DTWD1: variants seen among roughly 807,000 people sequenced by gnomAD.
DTWD1 encodes tRNA-uridine aminocarboxypropyltransferase 1.
In DTWD1, 27 loss-of-function variants were observed where a neutral mutation model predicts 30.2. That is an observed-to-expected ratio of 0.90 (90% CI 0.66 to 1.23). The LOEUF (loss-of-function observed/expected upper bound fraction) is 1.23, where lower values mean the gene tolerates loss of function less well. Among genes scored for constraint, DTWD1 ranks in the 50% most tolerant of loss-of-function variants. The pLI is 0.00. For missense variants in DTWD1, 342 were observed against 348.8 expected, an observed-to-expected ratio of 0.98 and a Z score of 0.15; for synonymous variants, 99 against 113.1, an observed-to-expected ratio of 0.88 and a Z score of 0.79.
chr15:49,633,049 C>CTATATCTATATATA (rs774517463), intron 3 of DTWD1, among the ~76,000 whole-genome samples: 35 of 117,338 alleles, frequency 3.0e-4, no homozygotes, highest in South Asian at 1.1e-3. Flanking sequence ...ATATCTATAT[C>CTATATCTATATATA]TATATATATA....
intron 1 of DTWD1, among the ~76,000 whole-genome samples, chr15:49,624,666 TCA>T (rs1374815124): frequency 6.6e-6 from 1 of 152,146 alleles, no homozygotes; most frequent in Non-Finnish European, 1.5e-5. Context: ...ACAGACACAC[TCA>T]CACATATGTA....
rs1567741212 is a variant in DTWD1 at position 49,634,808 on chromosome 15, G to GC, written c.667+14_667+15insC. The GC allele has an allele frequency of 6.5e-7, 1 of 1,546,316 alleles. No individual in the cohort carries two copies. Among genetic ancestry groups the GC allele is most frequent in the Admixed American group, 2.2e-5 (1 of 44,854 alleles). ...AGCGACTTCAAGGTAAAAAAAAAAT[G>GC]TTTTTTTGGACTGCTCCTCCCTCAG... is the stretch of plus-strand genomic sequence containing the variant. On this transcript the variant is annotated intron_variant, in intron 4 of 4. Transcript: ENST00000403028.
At chr15:49,642,858 G>A (rs2079081594) in intron 4 of DTWD1, among the ~76,000 whole-genome samples, 1 of 152,118 alleles carries the variant, frequency 6.6e-6, no homozygotes, top group South Asian at 2.1e-4. Context: ...TCCAGAGTTT[G>A]AGGTAACTGT....
Position 49,638,299 on chromosome 15 carries a change from A to C in DTWD1, c.667+3505A>C, listed in dbSNP as rs1338046783. ...GGCTTGCCTAAAATCAGATTTGTAC[A>C]AAAGATTTTTGTTATTCCTTCCCAA... On this transcript the variant is annotated intron_variant, in intron 4 of 4. Coordinates refer to ENST00000403028, the MANE Select transcript of DTWD1 (RefSeq NM_001144955.2). 2.0e-5 allele frequency among the ~76,000 whole-genome samples: 3 copies of C among 152,236 alleles called. No individual in the cohort carries two copies. In the South Asian group the frequency reaches 6.2e-4, roughly 32 times the overall value.
rs2079168969 is a variant in DTWD1, at chr15:49,654,573, C to G, written c.*10995C>G. 6.6e-6 allele frequency: 1 copy of G among 151,952 alleles called. No homozygotes were observed. Among genetic ancestry groups the G allele is most frequent in the South Asian group, 2.1e-4 (1 of 4,828 alleles). The allele number at this position is 151,952 out of a possible 1,614,324, so 9.4% of individuals were successfully genotyped here. ...TAGAGACACCACATGGAAAGGCCAC[C>G]TAGGGAAGAACTGAGATGCCCCAGT... On this transcript the variant is annotated 3_prime_UTR_variant, in exon 5 of 5. Coordinates refer to ENST00000403028, the MANE Select transcript of DTWD1 (RefSeq NM_001144955.2).
rs1671771318 is a variant in DTWD1 at position 49,650,451 on chromosome 15, G to A, written c.*6873G>A. Reference sequence around the variant, plus strand: ...CTGGACAAGGGTTGTGATCATGGGCGAGTGGTACAGAATGACAAGATCCTG... The same window carrying A: ...CTGGACAAGGGTTGTGATCATGGGCAAGTGGTACAGAATGACAAGATCCTG... On this transcript the variant is annotated 3_prime_UTR_variant, in exon 5 of 5. Transcript: ENST00000403028. 1.3e-5 allele frequency: 2 copies of A among 152,258 alleles called. No homozygotes were observed. The highest frequency in any genetic ancestry group is 2.9e-5 in the Non-Finnish European group (2 of 68,010). 9.4% of individuals were successfully genotyped at this position (152,258 alleles called of 1,614,324 possible).
chr15:49,634,933 A>T, intron 4 of DTWD1, 139 bp downstream of exon 4: 2 of 736,830 alleles, frequency 2.7e-6, no homozygotes, highest in African/African-American at 1.9e-5. Flanking sequence ...CTCTCTTTTT[A>T]TTATATATGT....
At chr15:49,629,352 A>G (rs1304627130) in intron 2 of DTWD1, among the ~76,000 whole-genome samples, 1 of 152,106 alleles carries the variant, frequency 6.6e-6, no homozygotes, top group East Asian at 1.9e-4. Context: ...CATATAATTA[A>G]AAAAATAGGC....
At chr15:49,626,827 A>G (rs1298694213) in intron 2 of DTWD1, 1 of 425,534 alleles carries the variant, frequency 2.3e-6, no homozygotes, top group Non-Finnish European at 4.8e-6. Context: ...TTTACTAGCC[A>G]AGAATAAGTA....
Position 49,653,861 on chromosome 15 carries a change from T to G in DTWD1, c.*10283T>G, listed in dbSNP as rs1379566478. ...TAGAGGAAATTTTTCAACCTAGTAC[T>G]TGTCATTTTTTTATAGAAAAGGAAA... On this transcript the variant is annotated 3_prime_UTR_variant, in exon 5 of 5. Transcript: ENST00000403028. The G allele has an allele frequency of 6.6e-6, 1 of 152,064 alleles. No individual in the cohort carries two copies. Among genetic ancestry groups the G allele is most frequent in the Non-Finnish European group, 1.5e-5 (1 of 68,024 alleles). 9.4% of individuals were successfully genotyped at this position (152,064 alleles called of 1,614,324 possible).
chr15:49,640,402 A>G (rs961201218), intron 4 of DTWD1, among the ~76,000 whole-genome samples: 1 of 152,134 alleles, frequency 6.6e-6, no homozygotes, highest in Non-Finnish European at 1.5e-5. Context: ...AAATAATGCT[A>G]CTACACACAT....
At position 49,648,219 on chromosome 15, in the gene DTWD1, T is replaced by C. The variant is rs995915989; in HGVS notation, c.*4641T>C. On this transcript the variant is annotated 3_prime_UTR_variant, in exon 5 of 5. Coordinates refer to ENST00000403028, the MANE Select transcript of DTWD1 (RefSeq NM_001144955.2). ...TCTATTCATACACTGTATATTAAGC[T>C]CTATATACACTGCATATCATCATCA... 2 of 152,158 alleles carry C rather than the reference T, an allele frequency of 1.3e-5. No homozygotes were observed. The highest frequency in any genetic ancestry group is 2.4e-5 in the African/African-American group (1 of 41,458). 9.4% of individuals were successfully genotyped at this position (152,158 alleles called of 1,614,324 possible). A position where few individuals can be genotyped will look rare whatever the true frequency, so the allele number is the denominator to read the frequency against.
rs775731909 is a variant in DTWD1 at position 49,632,291 on chromosome 15, A to G, written c.397A>G (p.Lys133Glu). The G allele has an allele frequency of 6.3e-7, 1 of 1,577,128 alleles. No individual in the cohort carries two copies. The highest frequency in any genetic ancestry group is 1.4e-5 in the African/African-American group (1 of 72,402). The change falls in exon 3 of 5, where the codon AAG becomes GAG. Residue 133 changes from lysine (K) to glutamate (E), a missense_variant. Lys to Glu is a moderately conservative substitution (Grantham distance 56). Transcript: ENST00000403028. Reference sequence around the variant, plus strand: ...TCCGTGTATTCCAGAATATGAAGAAAAGGACCATGAAGTAGGCAACTTAGT... The same window carrying G: ...TCCGTGTATTCCAGAATATGAAGAAGAGGACCATGAAGTAGGCAACTTAGT... ...TYPCIPEYEE[K>E]DHEVALIFPG...
At chr15:49,635,595 C>T (rs1197623577) in intron 4 of DTWD1, among the ~76,000 whole-genome samples, 3 of 151,812 alleles carry the variant, frequency 2.0e-5, no homozygotes, top group East Asian at 1.9e-4. Flanking sequence ...TGGGGTCAGG[C>T]GATTCTCCTG....
chr15:49,654,253 G>A lies in DTWD1; in HGVS notation c.*10675G>A, dbSNP rs1049372085. 6.6e-6 allele frequency: 1 copy of A among 152,068 alleles called. No homozygotes were observed. Among genetic ancestry groups the A allele is most frequent in the Non-Finnish European group, 1.5e-5 (1 of 68,004 alleles). The allele number at this position is 152,068 out of a possible 1,614,324, so 9.4% of individuals were successfully genotyped here. A position where few individuals can be genotyped will look rare whatever the true frequency, so the allele number is the denominator to read the frequency against. ...TGGAGTGAGACTCTTAGGGTACAGA[G>A]TAAGTACATTTTTGCATGTTAGTGA... On this transcript the variant is annotated 3_prime_UTR_variant, in exon 5 of 5. Transcript: ENST00000403028.
rs989729934 is a variant in DTWD1 at position 49,655,804 on chromosome 15, T to G, written c.*12226T>G. ...GTGGAAATTACTTTGCTGGCTGAAG[T>G]TGGGAATAGAAAACAGTAGAGAATA... On this transcript the variant is annotated 3_prime_UTR_variant, in exon 5 of 5. Transcript: ENST00000403028. 2.0e-5 allele frequency: 3 copies of G among 151,954 alleles called. No individual in the cohort carries two copies. Among genetic ancestry groups the G allele is most frequent in the Non-Finnish European group, 4.4e-5 (3 of 67,958 alleles). 9.4% of individuals were successfully genotyped at this position (151,954 alleles called of 1,614,324 possible). A position where few individuals can be genotyped will look rare whatever the true frequency, so the allele number is the denominator to read the frequency against.
rs370102001 is a variant in DTWD1 at position 49,655,396 on chromosome 15, C to T, written c.*11818C>T. The T allele has an allele frequency of 8.4e-4, 127 of 152,006 alleles. No individual in the cohort carries two copies. The highest frequency in any genetic ancestry group is 3.0e-3 in the African/African-American group (126 of 41,496). 9.4% of individuals were successfully genotyped at this position (152,006 alleles called of 1,614,324 possible). A position where few individuals can be genotyped will look rare whatever the true frequency, so the allele number is the denominator to read the frequency against. ...GAAAGAAAGACTTATGAAGAAAAGA[C>T]CTGTAGAAAATCGGGCCTACGTACC... On this transcript the variant is annotated 3_prime_UTR_variant, in exon 5 of 5. Coordinates refer to ENST00000403028, the MANE Select transcript of DTWD1 (RefSeq NM_001144955.2).
chr15:49,623,391 C>T (rs1184021888), intron 1 of DTWD1, among the ~76,000 whole-genome samples: 1 of 151,858 alleles, frequency 6.6e-6, no homozygotes, highest in Non-Finnish European at 1.5e-5. Context: ...ATTTGCAACT[C>T]TCATTTCTGG....
chr15:49,632,128 AT>A (rs756812892), intron 2 of DTWD1, 30 bp from the exon 3 acceptor site: 74 of 1,508,892 alleles, frequency 4.9e-5, no homozygotes, highest in Middle Eastern at 4.8e-4. Context: ...ATGTTTATAT[AT>A]TTTTTTATTT....
Sources: gnomAD v4.1 joint callset for allele counts (sites outside exome capture counted in the v4.1 genomes callset) on GRCh38, gnomAD v4.1.1 for gene constraint, MANE v1.5 for transcripts, NCBI Gene and HGNC (gene_info 2026-07-23, HGNC 2026-07-21) for gene names.